The following AGBL1 variants were observed in gnomAD, a reference collection of about 807,000 sequenced individuals.
AGBL1 encodes the protein cytosolic carboxypeptidase 4.
A neutral mutation model predicts 118.9 loss-of-function variants in AGBL1; 130 were observed. That is an observed-to-expected ratio of 1.09 (90% CI 0.95 to 1.26). The LOEUF (loss-of-function observed/expected upper bound fraction) is 1.26. AGBL1 is among the 50% of genes most tolerant of loss of function. The probability of loss-of-function intolerance (pLI) is 0.00; values close to 1 mark genes in which losing one functional copy is unlikely to be tolerated. For missense variants in AGBL1, 1,584 were observed against 1,298.1 expected (o/e 1.22, Z -3.38); for synonymous variants, 555 against 478.9 (o/e 1.16, Z -2.08).
At chr15:86,130,578 A>AT (rs1444437857) in intron 1 of AGBL1, among the ~76,000 whole-genome samples, 5 of 152,144 alleles carry the variant, frequency 3.3e-5, no homozygotes, top group Admixed American at 6.5e-5. Flanking sequence ...CTATCATGTA[A>AT]TTTTTTGTAG....
At chr15:87,002,095 G>T (rs2081445783) in intron 24 of AGBL1, among the ~76,000 whole-genome samples, 2 of 151,892 alleles carry the variant, frequency 1.3e-5, no homozygotes, top group South Asian at 2.1e-4. Context: ...TTTCTTCTAG[G>T]GTTTTTATGG....
rs58562728 is a variant in AGBL1, at chr15:86,472,553, T to A, written c.2556-50257T>A. On this transcript the variant is annotated intron_variant, in intron 18 of 22. Transcript: ENST00000614907. The stretch of plus-strand genomic sequence containing the variant: ...GTATTACAGTATGTTTGTTAAATGT[T>A]CTTTAATCTGACTATAAATATTGCA... Among the ~76,000 whole-genome samples, 516 of 152,350 alleles carry A rather than the reference T, an allele frequency of 3.4e-3. 6 individuals are homozygous for A. Among genetic ancestry groups the A allele is most frequent in the African/African-American group, 0.012 (494 of 41,578 alleles).
At chr15:86,113,303 TTG>T (rs1897548674) in intron 1 of AGBL1, among the ~76,000 whole-genome samples, 1 of 139,884 alleles carries the variant, frequency 7.1e-6, no homozygotes, top group African/African-American at 2.6e-5. Context: ...TTTTTTTTTT[TTG>T]GAGACTGAGT....
chr15:86,704,201 G>A (rs906107344), intron 22 of AGBL1, among the ~76,000 whole-genome samples: 14 of 152,128 alleles, frequency 9.2e-5, no homozygotes, highest in African/African-American at 3.4e-4. Context: ...AGAAAACCTA[G>A]GCAATACCAT....
chr15:86,882,699 A>T (rs1183028756), intron 22 of AGBL1, among the ~76,000 whole-genome samples: 1 of 152,158 alleles, frequency 6.6e-6, no homozygotes, highest in African/African-American at 2.4e-5. Flanking sequence ...ATTCAAGGCC[A>T]ACTCTGTTTG....
At chr15:86,333,220 C>G (rs2080303340) in intron 17 of AGBL1, among the ~76,000 whole-genome samples, 1 of 152,226 alleles carries the variant, frequency 6.6e-6, no homozygotes, top group South Asian at 2.1e-4. Flanking sequence ...ACTCCAAAAT[C>G]CATACAAAGA....
At chr15:86,745,080 T>C (rs1306587266) in intron 22 of AGBL1, among the ~76,000 whole-genome samples, 4 of 152,136 alleles carry the variant, frequency 2.6e-5, no homozygotes, top group Non-Finnish European at 5.9e-5. Flanking sequence ...TGCTGTTTGC[T>C]GATCCATTTC....
At chr15:86,369,050 T>C (rs549510185) in intron 17 of AGBL1, among the ~76,000 whole-genome samples, 3 of 152,246 alleles carry the variant, frequency 2.0e-5, no homozygotes, top group African/African-American at 7.2e-5. Flanking sequence ...AGTGGAAGTT[T>C]TCAGTCACTG....
chr15:86,678,915 G>A (rs2085898615), intron 22 of AGBL1, among the ~76,000 whole-genome samples: 2 of 152,012 alleles, frequency 1.3e-5, no homozygotes, highest in Admixed American at 1.3e-4. Context: ...GCATATAACT[G>A]GGTATATTTT....
chr15:86,831,183 T>G (rs777560671), intron 22 of AGBL1, among the ~76,000 whole-genome samples: 1 of 152,146 alleles, frequency 6.6e-6, no homozygotes, highest in Non-Finnish European at 1.5e-5. Flanking sequence ...GTTCCTCCCA[T>G]GACACATGAG....
In AGBL1 at chr15:86,093,636, C is replaced by T. The variant is rs117717438; in HGVS notation, c.51+13613C>T. ...GAACTAAAAAATAAAAGAACCAAAACGAACAGCTCAATAGATAGGTTTAAC... is the reference window on the plus strand; with the variant it reads ...GAACTAAAAAATAAAAGAACCAAAATGAACAGCTCAATAGATAGGTTTAAC... On this transcript the variant is annotated intron_variant, in intron 1 of 22. Coordinates refer to ENST00000614907, the MANE Select transcript of AGBL1 (RefSeq NM_001386094.1). Among the ~76,000 whole-genome samples, 341 of 152,190 alleles carry T rather than the reference C, an allele frequency of 2.2e-3. 15 individuals are homozygous for T. In the South Asian group the frequency reaches 0.066, roughly 30 times the overall value.
At chr15:86,931,332 T>C (rs965787215) in intron 23 of AGBL1, among the ~76,000 whole-genome samples, 1 of 152,198 alleles carries the variant, frequency 6.6e-6, no homozygotes, top group Non-Finnish European at 1.5e-5. Flanking sequence ...CAACCCTTGT[T>C]TGTAAGCTAT....
At chr15:86,812,755 G>C (rs563091714) in intron 22 of AGBL1, among the ~76,000 whole-genome samples, 3 of 152,236 alleles carry the variant, frequency 2.0e-5, no homozygotes, top group East Asian at 1.9e-4. Flanking sequence ...GACCCATTTG[G>C]ACTCACAATC....
At position 86,704,772 on chromosome 15, in the gene AGBL1, C is replaced by T. The variant is rs1373256299; in HGVS notation, c.3158+30336C>T. Among the ~76,000 whole-genome samples, 7 of 152,262 alleles carry T rather than the reference C, an allele frequency of 4.6e-5. No individual in the cohort carries two copies. In the East Asian group the frequency reaches 1.4e-3, roughly 29 times the overall value. ...AGAAATACCATTTGACCCAACAATC[C>T]CATTACTGGGTATGTACCCAAAGGA... On this transcript the variant is annotated intron_variant, in intron 22 of 22. Coordinates refer to ENST00000614907, the MANE Select transcript of AGBL1 (RefSeq NM_001386094.1).
intron 21 of AGBL1, among the ~76,000 whole-genome samples, chr15:86,634,089 T>C (rs1194756911): frequency 6.6e-6 from 1 of 151,846 alleles, no homozygotes; most frequent in African/African-American, 2.4e-5. Flanking sequence ...CGTGGGGAAA[T>C]TGGAGCCCTC....
At chr15:86,538,408 T>C (rs1039639173) in intron 19 of AGBL1, among the ~76,000 whole-genome samples, 1 of 152,194 alleles carries the variant, frequency 6.6e-6, no homozygotes, top group Non-Finnish European at 1.5e-5. Flanking sequence ...GGAGAGAGTA[T>C]GGCTATCAAT....
chr15:86,236,444 C>G (rs1010022147), intron 6 of AGBL1, among the ~76,000 whole-genome samples: 1 of 151,026 alleles, frequency 6.6e-6, no homozygotes, highest in African/African-American at 2.4e-5. Flanking sequence ...ATTGGGGTCA[C>G]ATATGAGGCT....
At chr15:86,958,742 A>G (rs183185348) in intron 23 of AGBL1, among the ~76,000 whole-genome samples, 203 of 152,304 alleles carry the variant, frequency 1.3e-3, no homozygotes, top group African/African-American at 4.5e-3. Context: ...TTCAGAAGAT[A>G]TTCATTTTGG....
intron 18 of AGBL1, among the ~76,000 whole-genome samples, chr15:86,426,018 A>C (rs986260104): frequency 1.3e-5 from 2 of 152,170 alleles, no homozygotes; most frequent in Non-Finnish European, 2.9e-5. Context: ...ACCCCATGGG[A>C]GAGGTAGCAA....
Sources: gnomAD v4.1 joint callset for allele counts (sites outside exome capture counted in the v4.1 genomes callset) on GRCh38, gnomAD v4.1.1 for gene constraint, MANE v1.5 for transcripts, NCBI Gene and HGNC (gene_info 2026-07-23, HGNC 2026-07-21) for gene names.